The following DMBT1 variants were observed in gnomAD, a reference collection of about 807,000 sequenced individuals.
DMBT1 encodes the protein scavenger receptor cysteine-rich domain-containing protein DMBT1.
Under a neutral mutation model 252.9 loss-of-function variants are expected in DMBT1, and 198 were observed. The ratio of observed to expected loss-of-function variants is 0.78; its 90% confidence interval spans 0.70 to 0.88. The LOEUF (loss-of-function observed/expected upper bound fraction) is 0.88. DMBT1 is among the 40% of genes least tolerant of loss of function. The pLI is 0.00. For synonymous variants in DMBT1, 990 were observed against 942.7 expected (o/e 1.05, Z -0.92); for missense variants, 2,432 against 2,404.7 (o/e 1.01, Z -0.24).
intron 52 of DMBT1, among the ~76,000 whole-genome samples, 156 bp from the exon 53 acceptor site, chr10:122,635,835 T>C (rs1281015724): frequency 6.6e-6 from 1 of 152,132 alleles, no homozygotes; most frequent in Non-Finnish European, 1.5e-5. Flanking sequence ...GGATTATAAG[T>C]GTGAGCTACT....
chr10:122,598,713 A>G lies in DMBT1; in HGVS notation c.2957-61A>G, dbSNP rs999049801. The G allele has an allele frequency of 3.1e-6, 5 of 1,610,776 alleles. No individual in the cohort carries two copies. In the African/African-American group the frequency reaches 4.0e-5, roughly 13 times the overall value. ...TTAGGACATGCCTTGAGTGTGGAAC[A>G]TTCCTTAGATTCCTGACCTCATGAT... On this transcript the variant is annotated intron_variant, in intron 25 of 55. Coordinates refer to ENST00000338354, the MANE Select transcript of DMBT1 (RefSeq NM_001377530.1).
intron 3 of DMBT1, 50 bp downstream of exon 3, chr10:122,570,259 C>T: frequency 1.5e-6 from 2 of 1,378,852 alleles, no homozygotes; most frequent in East Asian, 2.3e-5. Flanking sequence ...CCACTGCACC[C>T]CTAGGTTCAT....
chr10:122,593,153 TG>T (rs1346054806), intron 20 of DMBT1, among the ~76,000 whole-genome samples: 2 of 148,812 alleles, frequency 1.3e-5, no homozygotes, highest in Non-Finnish European at 1.5e-5. Flanking sequence ...AGCACTGCCT[TG>T]CCCTGGGTCT....
rs748198152 is a variant in DMBT1, at chr10:122,621,282, G to T, written c.5510G>T (p.Arg1837Leu). 3 of 1,613,814 alleles carry T rather than the reference G, an allele frequency of 1.9e-6. No individual in the cohort carries two copies. In the East Asian group the frequency reaches 6.7e-5, roughly 36 times the overall value. The change falls in exon 44 of 56, where the codon CGC (arginine) becomes CTC (leucine). Residue 1837 changes from arginine (R) to leucine (L), a missense_variant. Coordinates refer to ENST00000338354, the MANE Select transcript of DMBT1 (RefSeq NM_001377530.1). The part of the protein sequence containing the change: ...GSGPIVLDDV[R>L]CSGNESYLWS... ...GGACCCATTGTCCTGGATGATGTGC[G>T]CTGCTCAGGGAATGAGTCCTACCTG...
Position 122,643,549 on chromosome 10 carries a change from C to T in DMBT1, c.*151C>T. 1.7e-6 allele frequency: 2 copies of T among 1,164,630 alleles called. No individual in the cohort carries two copies. Among genetic ancestry groups the T allele is most frequent in the Non-Finnish European group, 2.4e-6 (2 of 846,444 alleles). The allele number at this position is 1,164,630 out of a possible 1,614,324, so 72.1% of individuals were successfully genotyped here. On this transcript the variant is annotated 3_prime_UTR_variant, in exon 56 of 56. Transcript: ENST00000338354. Reference sequence around the variant, plus strand: ...GGAGTTGAATCAGACCTGGTTCCCGCCTCCCCCAAGGCTCATGGTCCTTGG... The same window carrying T: ...GGAGTTGAATCAGACCTGGTTCCCGTCTCCCCCAAGGCTCATGGTCCTTGG...
intron 16 of DMBT1, among the ~76,000 whole-genome samples, chr10:122,586,595 G>T (rs2097791934): frequency 6.7e-6 from 1 of 148,434 alleles, no homozygotes. Flanking sequence ...TGAAATAAGG[G>T]TCACACCTTT....
In DMBT1 at chr10:122,576,597, C is replaced by G; in HGVS notation, c.482C>G (p.Ser161Ter). 6.2e-7 allele frequency: 1 copy of G among 1,613,894 alleles called. No individual in the cohort carries two copies. Among genetic ancestry groups the G allele is most frequent in the Admixed American group, 1.7e-5 (1 of 60,020 alleles). The change falls in exon 7 of 56, where the codon TCA becomes TGA. Residue 161 changes from serine (S) to a stop codon, truncating the protein, a stop_gained. Transcript: ENST00000338354. LOFTEE classifies it high-confidence loss of function. The stretch of plus-strand genomic sequence containing the variant: ...GGAAATGCCTGGTTTGGCCAGGGCT[C>G]AGGACCCATTGCCCTGGATGATGTG... ...APGNAWFGQGSGPIALDDVRC... is the reference protein window; with the variant it reads ...APGNAWFGQG
chr10:122,634,449 TCTCTCTCTC>T (rs1591584400), intron 52 of DMBT1, among the ~76,000 whole-genome samples: 10 of 74,384 alleles, frequency 1.3e-4, no homozygotes, highest in African/African-American at 5.9e-4. Flanking sequence ...TCTCTCTCTC[TCTCTCTCTC>T]TCTCTCTCTC....
chr10:122,570,133 C>G (rs886271641), intron 2 of DMBT1, 29 bp from the exon 3 acceptor site: 1 of 1,578,732 alleles, frequency 6.3e-7, no homozygotes, highest in African/African-American at 1.3e-5. Flanking sequence ...GGGCTACCAT[C>G]AATGAGCTCT....
chr10:122,576,651 G>A lies in DMBT1; in HGVS notation c.536G>A (p.Trp179Ter), dbSNP rs2097714949. 1 of 1,613,808 alleles carries A rather than the reference G, an allele frequency of 6.2e-7. No homozygotes were observed. The highest frequency in any genetic ancestry group is 8.5e-7 in the Non-Finnish European group (1 of 1,179,732). Residue 179 changes from tryptophan (W) to a stop codon, truncating the protein, a stop_gained, in exon 7 of 56, where the codon TGG (tryptophan) becomes TAG (stop). Coordinates refer to ENST00000338354, the MANE Select transcript of DMBT1 (RefSeq NM_001377530.1). LOFTEE classifies it high-confidence loss of function. ...TGCTCAGGACACGAATCCTACCTGT[G>A]GAGCTGCCCCCACAATGGCTGGCTC... ...VRCSGHESYL[W>*]SCPHNGWLSH...
chr10:122,598,118 A>G (rs1353722267), intron 25 of DMBT1, 106 bp downstream of exon 25: 8 of 1,530,020 alleles, frequency 5.2e-6, no homozygotes, highest in Admixed American at 1.7e-5. Context: ...TCTCTTTTTC[A>G]TGTCCCTGTG....
rs1248923951 is a variant in DMBT1, at chr10:122,577,823, A to T, written c.620A>T (p.Gln207Leu). ...AGVICSAAQP[Q>L]STLRPESWPV... ...TTTTTTCTCACAGCTGCCCAGCCTCAGTCAACACTCAGGCCAGGTGAGTCC... is the reference window on the plus strand; with the variant it reads ...TTTTTTCTCACAGCTGCCCAGCCTCTGTCAACACTCAGGCCAGGTGAGTCC... The change falls in exon 8 of 56, where the codon CAG (glutamine) becomes CTG (leucine). Residue 207 changes from glutamine to leucine, a missense_variant. By Grantham distance (113) the Gln-to-Leu change is moderately radical (BLOSUM62 -2). Coordinates refer to ENST00000338354, the MANE Select transcript of DMBT1 (RefSeq NM_001377530.1). 6.2e-7 allele frequency: 1 copy of T among 1,613,712 alleles called. No homozygotes were observed. The highest frequency in any genetic ancestry group is 2.2e-5 in the East Asian group (1 of 44,874).
At chr10:122,618,758 G>A (rs1027624599) in intron 41 of DMBT1, among the ~76,000 whole-genome samples, 1 of 152,238 alleles carries the variant, frequency 6.6e-6, no homozygotes, top group Non-Finnish European at 1.5e-5. Context: ...TGGGTTCTCA[G>A]CTGAGACCCA....
Position 122,621,173 on chromosome 10 carries a change from A to G in DMBT1, c.5401A>G (p.Asn1801Asp), listed in dbSNP as rs777254019. ...GTVCDDSWDT[N>D]DANVVCRQLG... is the part of the protein sequence containing the mutation. ...CGTGTGTGATGACAGCTGGGACACC[A>G]ATGATGCCAATGTGGTCTGCAGGCA... The change falls in exon 44 of 56, where the codon AAT becomes GAT. Residue 1801 changes from asparagine (N) to aspartate (D), a missense_variant. Asn to Asp is a conservative substitution (Grantham distance 23). Transcript: ENST00000338354. The G allele has an allele frequency of 6.2e-7, 1 of 1,613,892 alleles. No homozygotes were observed. Among genetic ancestry groups the G allele is most frequent in the Non-Finnish European group, 8.5e-7 (1 of 1,179,812 alleles).
rs538946649 is a variant in DMBT1 at position 122,592,816 on chromosome 10, C to T, written c.2500+221C>T. On this transcript the variant is annotated intron_variant, in intron 20 of 55. Transcript: ENST00000338354. ...CCCCAAACTGAAACAACAACCCAGA[C>T]TTTATCCCCTTCCTGAGGCAGTGCA... 1.3e-5 allele frequency among the ~76,000 whole-genome samples: 2 copies of T among 148,816 alleles called. 1 individual carries two copies. The highest frequency in any genetic ancestry group is 4.1e-4 in the East Asian group (2 of 4,846).
chr10:122,623,611 G>C (rs1041199643), intron 44 of DMBT1, among the ~76,000 whole-genome samples: 3 of 152,246 alleles, frequency 2.0e-5, no homozygotes, highest in African/African-American at 7.2e-5. Flanking sequence ...GGTGTAAGGT[G>C]GTATTTCATG....
intron 9 of DMBT1, 24 bp downstream of exon 9, chr10:122,578,783 C>T (rs768746367): frequency 1.3e-6 from 2 of 1,592,428 alleles, no homozygotes; most frequent in South Asian, 1.1e-5. Flanking sequence ...TCAACACTCC[C>T]TGGGGCTCAC....
intron 26 of DMBT1, 82 bp downstream of exon 26, chr10:122,599,179 C>A: frequency 6.2e-7 from 1 of 1,602,612 alleles, no homozygotes; most frequent in Non-Finnish European, 8.5e-7. Context: ...CTGATCTCCT[C>A]ACTCAAAGCT....
chr10:122,625,875 A>C (rs2098115236), intron 45 of DMBT1, 58 bp from the exon 46 acceptor site: 1 of 1,398,228 alleles, frequency 7.2e-7, no homozygotes, highest in African/African-American at 1.4e-5. Context: ...CAAACAAATT[A>C]CTATGGAATG....
Sources: allele counts gnomAD v4.1 joint callset (sites outside exome capture counted in the v4.1 genomes callset), GRCh38; gene constraint gnomAD v4.1.1; transcripts MANE v1.5; gene names NCBI Gene and HGNC (gene_info 2026-07-23, HGNC 2026-07-21).